Variants in PIBF1 observed in about 807,000 individuals in gnomAD.
The protein encoded by PIBF1 is progesterone-induced-blocking factor 1.
PIBF1 carries 90 observed loss-of-function variants against 112.5 expected under a neutral mutation model. That is an observed-to-expected ratio of 0.80 (90% CI 0.67 to 0.95). The LOEUF is 0.95. PIBF1 is among the 40% of genes least tolerant of loss of function. PIBF1 has a pLI of 0.00. For synonymous variants in PIBF1, 301 were observed against 288.6 expected, an observed-to-expected ratio of 1.04 and a Z score of -0.44; for missense variants, 915 against 852.3, an observed-to-expected ratio of 1.07 and a Z score of -0.92.
chr13:72,964,836 G>A (rs2042697749), intron 14 of PIBF1, among the ~76,000 whole-genome samples: 5 of 152,126 alleles, frequency 3.3e-5, no homozygotes, highest in Admixed American at 3.3e-4. Flanking sequence ...GCTGAGGTGG[G>A]CGATCACCTG....
intron 5 of PIBF1, among the ~76,000 whole-genome samples, chr13:72,813,231 G>A (rs1409997237): frequency 6.6e-6 from 1 of 152,054 alleles, no homozygotes; most frequent in Non-Finnish European, 1.5e-5. Flanking sequence ...TTGCTGTTTA[G>A]GCTTAGTTGA....
intron 16 of PIBF1, among the ~76,000 whole-genome samples, chr13:72,996,582 G>A (rs2043680562): frequency 6.6e-6 from 1 of 152,302 alleles, no homozygotes; most frequent in South Asian, 2.1e-4. Flanking sequence ...AAGGCCAGGA[G>A]TGAGAGACCA....
At chr13:72,865,151 G>T (rs962588611) in intron 10 of PIBF1, among the ~76,000 whole-genome samples, 10 of 152,080 alleles carry the variant, frequency 6.6e-5, no homozygotes, top group Non-Finnish European at 1.0e-4. Flanking sequence ...ATGGATAGAA[G>T]ATACTTTAGA....
At chr13:72,884,793 A>G (rs909776635) in intron 10 of PIBF1, 4 of 152,158 alleles carry the variant, frequency 2.6e-5, no homozygotes, top group African/African-American at 7.2e-5. Flanking sequence ...TATATTTACT[A>G]TCTATTTGTT....
chr13:72,897,550 T>C (rs1417973500), intron 11 of PIBF1, among the ~76,000 whole-genome samples: 2 of 152,190 alleles, frequency 1.3e-5, no homozygotes, highest in Non-Finnish European at 2.9e-5. Flanking sequence ...ACTTGCAAAC[T>C]AACCATCTGC....
chr13:72,894,772 AGTGT>A lies in PIBF1; in HGVS notation c.1488+854_1488+857del, dbSNP rs35885902. Among the ~76,000 whole-genome samples, 623 of 137,156 alleles carry A rather than the reference AGTGT, an allele frequency of 4.5e-3. 7 individuals carry two copies. The highest frequency in any genetic ancestry group is 0.018 in the East Asian group (89 of 4,924). The allele number at this position is 137,156 out of a possible 152,430, so 90.0% of individuals were successfully genotyped here. On this transcript the variant is annotated intron_variant, in intron 11 of 17. Coordinates refer to ENST00000326291, the MANE Select transcript of PIBF1 (RefSeq NM_006346.4). The stretch of plus-strand genomic sequence containing the variant: ...TAATATATATATTATATATATATAT[AGTGT>A]GTGTGTGTGTGTGTGTGTGTGTGTG...
intron 14 of PIBF1, among the ~76,000 whole-genome samples, chr13:72,957,958 G>A (rs993831299): frequency 1.3e-5 from 2 of 151,208 alleles, no homozygotes; most frequent in African/African-American, 2.4e-5. Flanking sequence ...TCTCGGGCAG[G>A]GGGGAAAGAA....
intron 5 of PIBF1, among the ~76,000 whole-genome samples, chr13:72,804,305 A>G (rs917829107): frequency 7.2e-5 from 11 of 152,212 alleles, no homozygotes; most frequent in Admixed American, 6.5e-5. Flanking sequence ...TGTATAATTT[A>G]TATGTATAAT....
At chr13:72,919,002 C>T (rs1180916995) in intron 13 of PIBF1, among the ~76,000 whole-genome samples, 1 of 152,210 alleles carries the variant, frequency 6.6e-6, no homozygotes, top group East Asian at 1.9e-4. Context: ...CCACGCCGTG[C>T]CAACTACATC....
chr13:72,792,565 T>TAA lies in PIBF1; in HGVS notation c.353+27_353+28dup, dbSNP rs553068546. The TAA allele has an allele frequency of 3.1e-5, 36 of 1,179,160 alleles. No homozygotes were observed. Among genetic ancestry groups the TAA allele is most frequent in the East Asian group, 7.9e-5 (3 of 38,078 alleles). 73.0% of individuals were successfully genotyped at this position (1,179,160 alleles called of 1,614,324 possible). A position where few individuals can be genotyped will look rare whatever the true frequency, so the allele number is the denominator to read the frequency against. ...GATGCCAGGTAAGAAAAGTTTTTTT[T>TAA]AAAAAAAAAACAACATCTATTTAGC... On this transcript the variant is annotated intron_variant, in intron 3 of 17. Coordinates refer to ENST00000326291, the MANE Select transcript of PIBF1 (RefSeq NM_006346.4).
chr13:73,009,966 T>C (rs1381658914), intron 17 of PIBF1, among the ~76,000 whole-genome samples: 1 of 152,200 alleles, frequency 6.6e-6, no homozygotes, highest in Non-Finnish European at 1.5e-5. Context: ...AAAGTTTTTA[T>C]TTACCTTCTC....
chr13:73,003,233 A>T (rs1420228407), intron 17 of PIBF1, among the ~76,000 whole-genome samples: 1 of 152,054 alleles, frequency 6.6e-6, no homozygotes, highest in East Asian at 1.9e-4. Context: ...GGAAAGCTAT[A>T]TGTCATCTGG....
At chr13:72,847,107 C>T (rs543352429) in intron 9 of PIBF1, among the ~76,000 whole-genome samples, 1 of 152,300 alleles carries the variant, frequency 6.6e-6, no homozygotes, top group Admixed American at 6.5e-5. Flanking sequence ...ACCTTTTATC[C>T]TGTCAGCTAC....
intron 10 of PIBF1, among the ~76,000 whole-genome samples, chr13:72,893,485 T>C (rs2040140194): frequency 6.6e-6 from 1 of 152,108 alleles, no homozygotes; most frequent in African/African-American, 2.4e-5. Flanking sequence ...AATTAAATCA[T>C]TCTAAGCAAT....
chr13:72,945,422 T>A (rs2138833032), intron 14 of PIBF1, among the ~76,000 whole-genome samples: 1 of 152,332 alleles, frequency 6.6e-6, no homozygotes, highest in Non-Finnish European at 1.5e-5. Context: ...GATTGCTAGG[T>A]TGAATGATAG....
chr13:72,978,322 A>G (rs919055601), intron 16 of PIBF1, among the ~76,000 whole-genome samples: 3 of 152,374 alleles, frequency 2.0e-5, no homozygotes, highest in Non-Finnish European at 2.9e-5. Flanking sequence ...ACTGATAAAT[A>G]TCATTGTCCT....
At chr13:72,828,439 C>G (rs2036934413) in intron 8 of PIBF1, among the ~76,000 whole-genome samples, 1 of 152,042 alleles carries the variant, frequency 6.6e-6, no homozygotes, top group African/African-American at 2.4e-5. Context: ...CCCCCACTCC[C>G]CGACAGGCGC....
chr13:72,870,632 A>G (rs539528932), intron 10 of PIBF1, among the ~76,000 whole-genome samples: 5 of 152,288 alleles, frequency 3.3e-5, no homozygotes, highest in Non-Finnish European at 5.9e-5. Context: ...ACATATTTAT[A>G]TTTTAAAGCA....
chr13:72,800,218 T>G (rs1460499056), intron 5 of PIBF1, among the ~76,000 whole-genome samples: 1 of 152,180 alleles, frequency 6.6e-6, no homozygotes, highest in Non-Finnish European at 1.5e-5. Context: ...GTATTTTTAG[T>G]AGAGATAGAA....
Sources: allele counts gnomAD v4.1 joint callset (sites outside exome capture counted in the v4.1 genomes callset), GRCh38; gene constraint gnomAD v4.1.1; transcripts MANE v1.5; gene names NCBI Gene and HGNC (gene_info 2026-07-23, HGNC 2026-07-21).